The following CFAP47 variants were observed in gnomAD, a reference collection of about 807,000 sequenced individuals.
CFAP47 encodes cilia- and flagella-associated protein 47.
Under a neutral mutation model 148.1 loss-of-function variants are expected in CFAP47, and 29 were observed. The observed-to-expected ratio is 0.20, with a 90% CI of 0.15 to 0.27. The LOEUF (loss-of-function observed/expected upper bound fraction) is 0.27, where lower values mean the gene tolerates loss of function less well. Among genes scored for constraint, CFAP47 ranks in the 10% least tolerant of loss-of-function variants. The pLI, the probability that CFAP47 is intolerant of heterozygous loss-of-function variation, is 1.00. For synonymous variants in CFAP47, 664 were observed against 577.3 expected (o/e 1.15, Z -2.15); for missense variants, 1,872 against 1,697.5 (o/e 1.10, Z -1.81).
intron 62 of CFAP47, among the ~76,000 whole-genome samples, chrX:36,372,898 C>T (rs1556022194): frequency 9.0e-6 from 1 of 111,614 alleles, no homozygotes; most frequent in African/African-American, 3.3e-5. Flanking sequence ...TATTTCTTGG[C>T]TTTCTATTCT....
At position 36,038,456 on chromosome X, in the gene CFAP47, A is replaced by G. The variant is rs761420868; in HGVS notation, c.3812-528A>G. 2.7e-5 allele frequency among the ~76,000 whole-genome samples: 3 copies of G among 112,140 alleles called. No homozygotes were observed. The Admixed American group carries it at 2.8e-4, about 11-fold the overall frequency. On this transcript the variant is annotated intron_variant, in intron 24 of 63. Transcript: ENST00000378653. ...AAACTATCTTTTCTCTTATTAAGCTATGGCATGGGAATTTCCTGTCCTTTC... is the reference window on the plus strand; with the variant it reads ...AAACTATCTTTTCTCTTATTAAGCTGTGGCATGGGAATTTCCTGTCCTTTC...
chrX:36,155,608 G>A (rs16987390), intron 37 of CFAP47, among the ~76,000 whole-genome samples: 11,727 of 110,834 alleles, frequency 0.11, 1,215 homozygotes, highest in African/African-American at 0.32. Flanking sequence ...TGCCATTGTG[G>A]TTTAGAACTC....
intron 25 of CFAP47, 151 bp from the exon 26 acceptor site, chrX:36,046,703 T>C (rs1470336352): frequency 2.5e-6 from 1 of 403,044 alleles, no homozygotes; most frequent in Non-Finnish European, 4.3e-6. Context: ...AAATAAGAGA[T>C]GATACAAAGA....
chrX:36,214,977 C>A (rs781988717), intron 45 of CFAP47, among the ~76,000 whole-genome samples: 1 of 111,732 alleles, frequency 8.9e-6, no homozygotes, highest in East Asian at 2.8e-4. Flanking sequence ...CAAATAAATT[C>A]TGGTAATTTA....
chrX:36,280,606 A>G lies in CFAP47; in HGVS notation c.7564A>G (p.Ser2522Gly). The G allele has an allele frequency of 2.0e-6, 1 of 500,904 alleles. No homozygotes were observed. The highest frequency in any genetic ancestry group is 3.6e-6 in the Non-Finnish European group (1 of 280,597). 41.3% of individuals were successfully genotyped at this position (500,904 alleles called of 1,213,427 possible). A position where few individuals can be genotyped will look rare whatever the true frequency, so the allele number is the denominator to read the frequency against. Residue 2522 changes from serine (S) to glycine (G), a missense_variant, in exon 50 of 64, where the codon AGC becomes GGC. Physicochemically the swap from Ser to Gly is moderately conservative, Grantham distance 56. Coordinates refer to ENST00000378653, the MANE Select transcript of CFAP47 (RefSeq NM_001304548.2). ...SCLDSITEQS[S>G]ILDDADTYGN... is the part of the protein sequence containing the mutation. The stretch of plus-strand genomic sequence containing the variant: ...TCTTGATTCAATAACAGAACAATCT[A>G]GCATTTTGGATGATGCAGACACATG...
intron 45 of CFAP47, among the ~76,000 whole-genome samples, chrX:36,219,501 C>G (rs1296212589): frequency 2.7e-5 from 3 of 110,918 alleles, no homozygotes; most frequent in Admixed American, 9.6e-5. Context: ...ATATTTTTGG[C>G]TGTAATATTA....
At chrX:35,950,543 G>C (rs895847131) in intron 4 of CFAP47, among the ~76,000 whole-genome samples, 1 of 110,156 alleles carries the variant, frequency 9.1e-6, no homozygotes, top group East Asian at 2.9e-4. Context: ...TTAAATTTTT[G>C]TTGTTGTTGT....
At chrX:35,947,530 T>TG (rs1384904181) in intron 3 of CFAP47, among the ~76,000 whole-genome samples, 25 of 108,313 alleles carry the variant, frequency 2.3e-4, no homozygotes, top group Non-Finnish European at 5.7e-5. Context: ...ACTTCTACCA[T>TG]GGGAGGTGGG....
In CFAP47 at chrX:35,920,146, G is replaced by A. The variant is rs2032895998; in HGVS notation, c.249+98G>A. ...AGGGAGTAGTCATCTGGCTCCTGCC[G>A]GGATGGAGGGAGGATTGGGCTTCCC... On this transcript the variant is annotated intron_variant, in intron 1 of 63. Transcript: ENST00000378653. 4.2e-6 allele frequency: 4 copies of A among 948,067 alleles called. No individual in the cohort carries two copies. In the Admixed American group the frequency reaches 9.7e-5, roughly 23 times the overall value. The allele number at this position is 948,067 out of a possible 1,213,427, so 78.1% of individuals were successfully genotyped here.
At position 36,244,583 on chromosome X, in the gene CFAP47, C is replaced by G. The variant is rs1430001413; in HGVS notation, c.7333-6750C>G. 3.6e-5 allele frequency among the ~76,000 whole-genome samples: 4 copies of G among 111,393 alleles called. No homozygotes were observed. In the Admixed American group the frequency reaches 3.8e-4, roughly 11 times the overall value. Reference sequence around the variant, plus strand: ...GGATCCCACGGAAATACAAAAGATCCTCAGAGACTATTATCATCAACTCTA... The same window carrying G: ...GGATCCCACGGAAATACAAAAGATCGTCAGAGACTATTATCATCAACTCTA... On this transcript the variant is annotated intron_variant, in intron 48 of 63. Transcript: ENST00000378653.
chrX:35,927,997 T>TTATA (rs146298634), intron 2 of CFAP47, among the ~76,000 whole-genome samples: 1,083 of 102,944 alleles, frequency 0.011, 15 homozygotes, highest in African/African-American at 0.035. Context: ...GTATTCTATT[T>TTATA]TATATATATA....
intron 32 of CFAP47, among the ~76,000 whole-genome samples, chrX:36,101,570 T>C (rs940675992): frequency 8.9e-6 from 1 of 111,909 alleles, no homozygotes; most frequent in Non-Finnish European, 1.9e-5. Context: ...TCTGGTACAC[T>C]ATCCTCATCT....
At chrX:35,958,169 C>T (rs889509571) in intron 8 of CFAP47, among the ~76,000 whole-genome samples, 4 of 111,396 alleles carry the variant, frequency 3.6e-5, no homozygotes, top group African/African-American at 6.5e-5. Flanking sequence ...TTTCATTTAG[C>T]GTAATATTTT....
chrX:36,130,957 G>A (rs769254391), intron 33 of CFAP47, among the ~76,000 whole-genome samples: 2 of 110,464 alleles, frequency 1.8e-5, no homozygotes, highest in Non-Finnish European at 3.8e-5. Flanking sequence ...GGGAGGTGGG[G>A]ATAGTTAATG....
At chrX:36,117,158 T>G (rs748675278) in intron 33 of CFAP47, among the ~76,000 whole-genome samples, 3 of 112,516 alleles carry the variant, frequency 2.7e-5, no homozygotes, top group Admixed American at 9.5e-5. Context: ...CATCTCTTGA[T>G]GAGCACTTAA....
At chrX:36,025,575 C>G (rs762072372) in intron 22 of CFAP47, among the ~76,000 whole-genome samples, 1 of 111,448 alleles carries the variant, frequency 9.0e-6, no homozygotes, top group East Asian at 2.8e-4. Flanking sequence ...TAGTGGTGAG[C>G]TATGATCCTG....
chrX:36,291,591 A>G (rs1170109616), intron 51 of CFAP47, among the ~76,000 whole-genome samples: 1 of 108,956 alleles, frequency 9.2e-6, no homozygotes, highest in Non-Finnish European at 1.9e-5. Context: ...TGAACATGAC[A>G]TTGGATTCAT....
Position 36,367,759 on chromosome X carries a change from C to G in CFAP47, c.9185+632C>G, listed in dbSNP as rs979451063. 4.5e-5 allele frequency among the ~76,000 whole-genome samples: 5 copies of G among 111,539 alleles called. No individual in the cohort carries two copies. The South Asian group carries it at 1.9e-3, about 41-fold the overall frequency. On this transcript the variant is annotated intron_variant, in intron 62 of 63. Coordinates refer to ENST00000378653, the MANE Select transcript of CFAP47 (RefSeq NM_001304548.2). ...CTCAAACCCTTTTGCAGTCAACTCC[C>G]ATACTCATTACCAGTCTCAGTCAAC... is the stretch of plus-strand genomic sequence containing the variant.
intron 62 of CFAP47, among the ~76,000 whole-genome samples, chrX:36,372,338 G>A (rs1485171884): frequency 3.6e-5 from 4 of 111,359 alleles, no homozygotes; most frequent in African/African-American, 1.3e-4. Context: ...AAATTTCTGC[G>A]AGTGTTGTGT....
Sources: allele counts gnomAD v4.1 joint callset (sites outside exome capture counted in the v4.1 genomes callset), GRCh38; gene constraint gnomAD v4.1.1; transcripts MANE v1.5; gene names NCBI Gene and HGNC (gene_info 2026-07-23, HGNC 2026-07-21).